PAPOLA: variants seen among roughly 807,000 people sequenced by gnomAD.
PAPOLA encodes the protein poly(A) polymerase alpha.
PAPOLA carries 15 observed loss-of-function variants against 100.6 expected under a neutral mutation model. The observed-to-expected ratio is 0.15, with a 90% CI of 0.10 to 0.23. The LOEUF (loss-of-function observed/expected upper bound fraction) is 0.23, where lower values mean the gene tolerates loss of function less well. Ranked by LOEUF, PAPOLA falls within the 10% of genes least tolerant of loss-of-function variation. The probability of loss-of-function intolerance (pLI) is 1.00; values close to 1 mark genes in which losing one functional copy is unlikely to be tolerated. For missense variants in PAPOLA, 533 were observed against 884.2 expected (o/e 0.60, Z 5.04); for synonymous variants, 293 against 300.0 (o/e 0.98, Z 0.24).
intron 16 of PAPOLA, among the ~76,000 whole-genome samples, chr14:96,550,397 A>C (rs1900752452): frequency 6.6e-6 from 1 of 152,156 alleles, no homozygotes; most frequent in South Asian, 2.1e-4. Context: ...TGTACATTTT[A>C]AGTAAATTTG....
intron 1 of PAPOLA, among the ~76,000 whole-genome samples, chr14:96,514,586 C>T (rs549771328): frequency 6.6e-6 from 1 of 152,276 alleles, no homozygotes; most frequent in Non-Finnish European, 1.5e-5. Context: ...AATATCCCGC[C>T]AAAATAAATA....
At chr14:96,505,328 C>T (rs1469218137) in intron 1 of PAPOLA, among the ~76,000 whole-genome samples, 1 of 152,112 alleles carries the variant, frequency 6.6e-6, no homozygotes, top group East Asian at 1.9e-4. Context: ...CCCTGGGGTG[C>T]AAAATCTGGT....
intron 1 of PAPOLA, among the ~76,000 whole-genome samples, chr14:96,508,269 C>T (rs759986510): frequency 3.2e-4 from 48 of 152,104 alleles, no homozygotes; most frequent in Non-Finnish European, 5.1e-4. Context: ...TTGTTGTTGT[C>T]AGTGAAAAAC....
chr14:96,555,831 A>ATTTT lies in PAPOLA; in HGVS notation c.1665-6_1665-3dup. The ATTTT allele has an allele frequency of 4.7e-6, 5 of 1,061,470 alleles. No homozygotes were observed. Among genetic ancestry groups the ATTTT allele is most frequent in the East Asian group, 3.0e-5 (1 of 33,098 alleles). The allele number at this position is 1,061,470 out of a possible 1,614,324, so 65.8% of individuals were successfully genotyped here. On this transcript the variant is annotated splice_polypyrimidine_tract_variant and intron_variant, in intron 17 of 21. Coordinates refer to ENST00000216277, the MANE Select transcript of PAPOLA (RefSeq NM_032632.5). ...TTTTTAAATTTTGAGACAATTTTTA[A>ATTTT]TTTTTTTTTTTTTAGCAGAAACAGT...
At chr14:96,507,574 C>G (rs889038661) in intron 1 of PAPOLA, among the ~76,000 whole-genome samples, 4 of 151,908 alleles carry the variant, frequency 2.6e-5, no homozygotes, top group Non-Finnish European at 5.9e-5. Context: ...CGCGCCTGGC[C>G]GAAAATAGTT....
intron 10 of PAPOLA, 74 bp from the exon 11 acceptor site, chr14:96,535,805 T>C: frequency 1.6e-6 from 2 of 1,268,818 alleles, no homozygotes; most frequent in Non-Finnish European, 1.0e-6. Flanking sequence ...TGGTTCAGTT[T>C]AACAAGGGGT....
intron 13 of PAPOLA, 34 bp downstream of exon 13, chr14:96,542,330 A>G (rs778282661): frequency 4.3e-6 from 6 of 1,386,072 alleles, no homozygotes; most frequent in African/African-American, 2.9e-5. Flanking sequence ...AGAAAAAGCA[A>G]ACTTCAAAAT....
Position 96,565,966 on chromosome 14 carries a change from T to C in PAPOLA, c.*916T>C. The C allele has an allele frequency of 2.5e-6, 1 of 398,242 alleles. No individual in the cohort carries two copies. The highest frequency in any genetic ancestry group is 4.4e-6 in the Non-Finnish European group (1 of 225,422). 24.7% of individuals were successfully genotyped at this position (398,242 alleles called of 1,614,324 possible). ...TTCTTAAGCCATGATGTGAAACCAA[T>C]GACCCTGTGACCACATGGCACAGAA... On this transcript the variant is annotated 3_prime_UTR_variant, in exon 22 of 22. Coordinates refer to ENST00000216277, the MANE Select transcript of PAPOLA (RefSeq NM_032632.5).
At position 96,502,598 on chromosome 14, in the gene PAPOLA, G is replaced by A; in HGVS notation, c.6G>A (p.Pro2=). M[P]FPVTTQGSQQ... ...CGGTGCCGGCGCCGGAGACGATGCC[G>A]TTGTAAGTAATTTGTATTCTGTTTT... The change falls in exon 1 of 22, where the codon CCG becomes CCA. Residue 2 remains proline (P), a splice_region_variant and synonymous_variant. Coordinates refer to ENST00000216277, the MANE Select transcript of PAPOLA (RefSeq NM_032632.5). 2 of 1,577,118 alleles carry A rather than the reference G, an allele frequency of 1.3e-6. No homozygotes were observed. The highest frequency in any genetic ancestry group is 1.8e-5 in the Admixed American group (1 of 55,246).
At chr14:96,512,026 T>C (rs1489646604) in intron 1 of PAPOLA, among the ~76,000 whole-genome samples, 1 of 152,248 alleles carries the variant, frequency 6.6e-6, no homozygotes, top group East Asian at 1.9e-4. Context: ...AAGATTTGTT[T>C]GGTGCCCCTT....
chr14:96,555,122 G>A (rs1901195864), intron 17 of PAPOLA, among the ~76,000 whole-genome samples: 1 of 151,672 alleles, frequency 6.6e-6, no homozygotes, highest in Non-Finnish European at 1.5e-5. Flanking sequence ...TGGGCCACTG[G>A]ATGGGCTTTT....
At position 96,515,398 on chromosome 14, in the gene PAPOLA, G is replaced by A. The variant is rs182493233; in HGVS notation, c.9-4657G>A. Among the ~76,000 whole-genome samples, 11 of 152,204 alleles carry A rather than the reference G, an allele frequency of 7.2e-5. No homozygotes were observed. In the East Asian group the frequency reaches 2.1e-3, roughly 29 times the overall value. ...CTATTAGATGTAGGTATGTATTTAT[G>A]TGTAACTCTGATCCAGAAAGGATGA... On this transcript the variant is annotated intron_variant, in intron 1 of 21. Transcript: ENST00000216277.
intron 19 of PAPOLA, among the ~76,000 whole-genome samples, chr14:96,559,581 C>CTCTCTCTCTCTCTATATA (rs370979875): frequency 7.1e-4 from 85 of 120,170 alleles, no homozygotes; most frequent in African/African-American, 2.9e-3. Context: ...CTCTCTCTCT[C>CTCTCTCTCTCTCTATATA]TATATATATA....
intron 19 of PAPOLA, among the ~76,000 whole-genome samples, chr14:96,558,687 CTTTCAGCCTT>C (rs1901559516): frequency 1.3e-5 from 2 of 152,228 alleles, no homozygotes; most frequent in Admixed American, 6.5e-5. Context: ...AATCTTAATT[CTTTCAGCCTT>C]TTTCATTTTC....
At chr14:96,520,345 T>C in intron 2 of PAPOLA, 117 bp downstream of exon 2, 1 of 755,306 alleles carries the variant, frequency 1.3e-6, no homozygotes. Context: ...CAGATCTATA[T>C]ATCTGTTTTG....
chr14:96,559,608 T>C lies in PAPOLA; in HGVS notation c.2005-1041T>C, dbSNP rs12892886. On this transcript the variant is annotated intron_variant, in intron 19 of 21. Transcript: ENST00000216277. Reference sequence around the variant, plus strand: ...ATATATATATATATACACACACACATATATATATGTATATATATATATGTG... The same window carrying C: ...ATATATATATATATACACACACACACATATATATGTATATATATATATGTG... 1.8e-3 allele frequency among the ~76,000 whole-genome samples: 252 copies of C among 136,888 alleles called. 2 individuals carry two copies. The highest frequency in any genetic ancestry group is 0.014 in the South Asian group (56 of 4,036). 89.8% of individuals were successfully genotyped at this position (136,888 alleles called of 152,430 possible). A position where few individuals can be genotyped will look rare whatever the true frequency, so the allele number is the denominator to read the frequency against.
intron 1 of PAPOLA, among the ~76,000 whole-genome samples, chr14:96,505,339 TG>T (rs1433033826): frequency 6.6e-6 from 1 of 152,146 alleles, no homozygotes. Context: ...AAAATCTGGT[TG>T]AGAACCACGG....
chr14:96,536,024 A>G (rs1201802353), intron 11 of PAPOLA, 25 bp downstream of exon 11: 1 of 1,544,948 alleles, frequency 6.5e-7, no homozygotes, highest in African/African-American at 1.4e-5. Context: ...TTATGCTCTG[A>G]TTTATACAGG....
At position 96,535,946 on chromosome 14, in the gene PAPOLA, C is replaced by T. The variant is rs1440073381; in HGVS notation, c.977C>T (p.Thr326Met). The T allele has an allele frequency of 1.2e-6, 2 of 1,607,946 alleles. No homozygotes were observed. The highest frequency in any genetic ancestry group is 8.5e-7 in the Non-Finnish European group (1 of 1,176,760). The change falls in exon 11 of 22, where the codon ACG becomes ATG. Residue 326 changes from threonine to methionine, a missense_variant. Around this residue, in one of 9 missense-constraint regions of PAPOLA, gnomAD observed 87 missense variants for 173.3 expected, o/e 0.50. Coordinates refer to ENST00000216277, the MANE Select transcript of PAPOLA (RefSeq NM_032632.5). ...CCAGCATACCCACAACAGAACTCCA[C>T]GTACAATGTGTCCGTTTCAACACGG... ...ITPAYPQQNS[T>M]YNVSVSTRMV...
Sources: gnomAD v4.1 joint callset for allele counts (sites outside exome capture counted in the v4.1 genomes callset) on GRCh38, gnomAD v4.1.1 for gene constraint, gnomAD v4.1.1 regional missense constraint, MANE v1.5 for transcripts, NCBI Gene and HGNC (gene_info 2026-07-23, HGNC 2026-07-21) for gene names.